The following ZNF423 variants were observed in gnomAD, a reference collection of about 807,000 sequenced individuals.
The protein encoded by ZNF423 is zinc finger protein 423, also known as Ebf-associated zinc finger protein.
Under a neutral mutation model 95.8 loss-of-function variants are expected in ZNF423, and 12 were observed. The observed-to-expected ratio is 0.13, with a 90% CI of 0.08 to 0.20. The LOEUF (loss-of-function observed/expected upper bound fraction) is 0.20. ZNF423 is among the 10% of genes least tolerant of loss of function. ZNF423 has a pLI of 1.00. For missense variants in ZNF423, 1,316 were observed against 1,737.1 expected, an observed-to-expected ratio of 0.76 and a Z score of 4.31; for synonymous variants, 749 against 711.9, an observed-to-expected ratio of 1.05 and a Z score of -0.83.
chr16:49,741,127 G>A (rs1223900606), intron 2 of ZNF423, among the ~76,000 whole-genome samples: 2 of 151,746 alleles, frequency 1.3e-5, no homozygotes, highest in Non-Finnish European at 2.9e-5. Context: ...TGTGGAGTGA[G>A]CACACAGAAG....
At chr16:49,625,099 C>A (rs1228083611) in intron 5 of ZNF423, among the ~76,000 whole-genome samples, 1 of 152,228 alleles carries the variant, frequency 6.6e-6, no homozygotes, top group East Asian at 1.9e-4. Flanking sequence ...GTAGTTCAGG[C>A]CAGGCGTGGT....
intron 3 of ZNF423, among the ~76,000 whole-genome samples, chr16:49,700,386 T>C (rs1386092740): frequency 6.6e-6 from 1 of 152,172 alleles, no homozygotes; most frequent in African/African-American, 2.4e-5. Context: ...CCACAGGGCC[T>C]GCTGGGAGCA....
chr16:49,651,165 T>C (rs1596792730), intron 3 of ZNF423, among the ~76,000 whole-genome samples: 2 of 150,680 alleles, frequency 1.3e-5, no homozygotes, highest in South Asian at 4.2e-4. Context: ...GGACCACAGG[T>C]GCGTGCCACC....
intron 5 of ZNF423, among the ~76,000 whole-genome samples, chr16:49,587,334 G>T (rs1410290106): frequency 6.6e-6 from 1 of 152,196 alleles, no homozygotes; most frequent in Non-Finnish European, 1.5e-5. Flanking sequence ...GCGAATGTTC[G>T]AGGCATCCAG....
At chr16:49,766,677 A>G (rs2033934947) in intron 2 of ZNF423, among the ~76,000 whole-genome samples, 1 of 152,244 alleles carries the variant, frequency 6.6e-6, no homozygotes. Flanking sequence ...ACTGAGGCCC[A>G]GTCTGAAACC....
chr16:49,745,734 G>A (rs555722340), intron 2 of ZNF423, among the ~76,000 whole-genome samples: 28 of 152,306 alleles, frequency 1.8e-4, no homozygotes, highest in African/African-American at 6.5e-4. Context: ...GCTAACTCGT[G>A]TCACCAAACA....
At chr16:49,646,526 C>T (rs1237160091) in intron 3 of ZNF423, among the ~76,000 whole-genome samples, 3 of 151,542 alleles carry the variant, frequency 2.0e-5, no homozygotes, top group African/African-American at 7.3e-5. Context: ...TGACAAGTCA[C>T]AGGCAGATCC....
At chr16:49,751,295 C>G (rs372739690) in intron 2 of ZNF423, among the ~76,000 whole-genome samples, 2 of 152,178 alleles carry the variant, frequency 1.3e-5, no homozygotes, top group African/African-American at 4.8e-5. Context: ...TATCACAGCT[C>G]ACTGCAGCCT....
intron 2 of ZNF423, chr16:49,764,688 CT>C (rs1250826412): frequency 2.0e-5 from 3 of 152,198 alleles, no homozygotes; most frequent in African/African-American, 7.2e-5. Context: ...TGGAAAAGAA[CT>C]GTCTGGATCG....
intron 5 of ZNF423, among the ~76,000 whole-genome samples, chr16:49,544,254 A>T (rs1969360183): frequency 6.6e-6 from 1 of 152,234 alleles, no homozygotes. Flanking sequence ...CAATAGCAGG[A>T]AGGAGTGCAG....
At position 49,489,634 on chromosome 16, in the gene ZNF423, G is replaced by C. The variant is rs1484470523; in HGVS notation, c.*1641C>G. 1 of 152,256 alleles carries C rather than the reference G, an allele frequency of 6.6e-6. No homozygotes were observed. Among genetic ancestry groups the C allele is most frequent in the Non-Finnish European group, 1.5e-5 (1 of 68,056 alleles). The allele number at this position is 152,256 out of a possible 1,614,324, so 9.4% of individuals were successfully genotyped here. On this transcript the variant is annotated 3_prime_UTR_variant, in exon 8 of 8. Coordinates refer to ENST00000563137, the MANE Select transcript of ZNF423 (RefSeq NM_001379286.1). ...TTGATATGGGAGTCTTCTAGAAGAT[G>C]ATGGGTATAATTGCTCCAAATTCCA...
chr16:49,495,803 C>T (rs972122866), intron 7 of ZNF423, among the ~76,000 whole-genome samples: 1 of 152,212 alleles, frequency 6.6e-6, no homozygotes, highest in African/African-American at 2.4e-5. Flanking sequence ...AACACAGTCA[C>T]AAACAGGAAC....
At chr16:49,678,641 GGT>G (rs1268365671) in intron 3 of ZNF423, among the ~76,000 whole-genome samples, 3 of 152,160 alleles carry the variant, frequency 2.0e-5, no homozygotes, top group African/African-American at 7.2e-5. Context: ...GTGCCTGATG[GGT>G]GTCTTTCCTC....
At chr16:49,715,413 G>A (rs1364488263) in intron 3 of ZNF423, among the ~76,000 whole-genome samples, 2 of 152,168 alleles carry the variant, frequency 1.3e-5, no homozygotes, top group African/African-American at 4.8e-5. Flanking sequence ...CAAAGGCCCT[G>A]CAGTGGAATG....
At chr16:49,601,335 G>A (rs1227533502) in intron 5 of ZNF423, among the ~76,000 whole-genome samples, 1 of 152,206 alleles carries the variant, frequency 6.6e-6, no homozygotes, top group Non-Finnish European at 1.5e-5. Context: ...TCTACAAATG[G>A]AGAGAATAGG....
intron 7 of ZNF423, among the ~76,000 whole-genome samples, chr16:49,503,998 G>A (rs78295108): frequency 0.018 from 2,786 of 152,274 alleles, 78 homozygotes; most frequent in African/African-American, 0.064. Context: ...CACTAGGCCA[G>A]GTGGAATGAA....
At chr16:49,668,489 C>G (rs540124781) in intron 3 of ZNF423, among the ~76,000 whole-genome samples, 2 of 152,306 alleles carry the variant, frequency 1.3e-5, no homozygotes, top group East Asian at 3.9e-4. Context: ...AACCTGGACA[C>G]AGGCTCCATC....
At chr16:49,857,407 G>A (rs2035383317), upstream of ZNF423, among the ~76,000 whole-genome samples, 1 of 151,874 alleles carries the variant, frequency 6.6e-6, no homozygotes, top group Non-Finnish European at 1.5e-5. The surrounding 1 kb of genome is among the most constrained non-coding windows in gnomAD (Gnocchi z 6.2). Context: ...GCAGGAGGAG[G>A]GAACACACTT....
intron 7 of ZNF423, among the ~76,000 whole-genome samples, chr16:49,509,107 C>T (rs1349865282): frequency 6.6e-6 from 1 of 152,124 alleles, no homozygotes; most frequent in East Asian, 1.9e-4. Context: ...CCCGTTTGAC[C>T]GATGAAGAAA....
Sources: allele counts gnomAD v4.1 joint callset (sites outside exome capture counted in the v4.1 genomes callset), GRCh38; gene constraint gnomAD v4.1.1; non-coding constraint Gnocchi (gnomAD v3.1); transcripts MANE v1.5; gene names NCBI Gene and HGNC (gene_info 2026-07-23, HGNC 2026-07-21).